The following IL13RA1 variants were observed in gnomAD, a reference collection of about 807,000 sequenced individuals.
IL13RA1 encodes the protein interleukin 13 receptor subunit alpha 1, also known as interleukin-13 receptor subunit alpha-1.
Under a neutral mutation model 33.8 loss-of-function variants are expected in IL13RA1, and 14 were observed. That is an observed-to-expected ratio of 0.41 (90% confidence interval 0.27 to 0.65). The LOEUF (loss-of-function observed/expected upper bound fraction) is 0.65. Among genes scored for constraint, IL13RA1 ranks in the 30% least tolerant of loss-of-function variants. IL13RA1 has a pLI of 0.28. For missense variants in IL13RA1, 313 were observed against 327.0 expected (o/e 0.96, Z 0.33); for synonymous variants, 116 against 115.7 (o/e 1.00, Z -0.02).
At chrX:118,795,773 C>T (rs1308304300), downstream of IL13RA1, among the ~76,000 whole-genome samples, 1 of 112,119 alleles carries the variant, frequency 8.9e-6, no homozygotes, top group Admixed American at 9.5e-5. Context: ...TCCATGAACT[C>T]TTGCTCTTTT....
chrX:118,732,971 G>A (rs896322177), intron 1 of IL13RA1, among the ~76,000 whole-genome samples: 8 of 112,110 alleles, frequency 7.1e-5, no homozygotes, highest in African/African-American at 2.6e-4. Flanking sequence ...TGTATCATAT[G>A]TCAGAATTTT....
At chrX:118,788,837 A>G (rs2017948581) in intron 10 of IL13RA1, among the ~76,000 whole-genome samples, 2 of 111,833 alleles carry the variant, frequency 1.8e-5, no homozygotes, top group Admixed American at 1.9e-4. Context: ...GGGGGAGGGT[A>G]TATGTATTTT....
intron 4 of IL13RA1, among the ~76,000 whole-genome samples, chrX:118,754,088 A>T (rs962910141): frequency 9.0e-6 from 1 of 111,417 alleles, no homozygotes; most frequent in African/African-American, 3.3e-5. Flanking sequence ...GCTGGTATAG[A>T]TTCTGTATCT....
chrX:118,735,035 G>A (rs913759609), intron 1 of IL13RA1, among the ~76,000 whole-genome samples: 2 of 110,758 alleles, frequency 1.8e-5, no homozygotes, highest in African/African-American at 6.6e-5. Context: ...CTGGAAATGT[G>A]TCCATTTCAT....
At chrX:118,759,532 C>G (rs181979316) in intron 5 of IL13RA1, among the ~76,000 whole-genome samples, 66 of 111,338 alleles carry the variant, frequency 5.9e-4, no homozygotes, top group African/African-American at 1.9e-3. Context: ...GTGGGGTAAG[C>G]TGAAGCAGAG....
At chrX:118,784,494 A>G (rs900684131) in intron 10 of IL13RA1, among the ~76,000 whole-genome samples, 1 of 111,417 alleles carries the variant, frequency 9.0e-6, no homozygotes, top group Non-Finnish European at 1.9e-5. Context: ...GATTGAAAAG[A>G]TATTTTTCCA....
intron 1 of IL13RA1, 94 bp downstream of exon 1, chrX:118,727,820 G>A: frequency 2.7e-6 from 1 of 368,850 alleles, no homozygotes; most frequent in Non-Finnish European, 4.0e-6. Flanking sequence ...GCCGGGCGGA[G>A]GGCCGAAGCT....
At chrX:118,803,110 C>T in the IL13RA1 span, among the ~76,000 whole-genome samples, 2 of 112,369 alleles carry the variant, frequency 1.8e-5, no homozygotes, top group Non-Finnish European at 3.8e-5. Flanking sequence ...CTTGTGGCCT[C>T]TGCCTCATAA....
chrX:118,800,037 A>G, the IL13RA1 span, among the ~76,000 whole-genome samples: 3 of 108,970 alleles, frequency 2.8e-5, no homozygotes, highest in African/African-American at 1.0e-4. Flanking sequence ...GAGTGCACCA[A>G]TTGACACTCT....
Position 118,741,148 on chromosome X carries a change from C to A in IL13RA1, c.220C>A (p.Gln74Lys). The part of the protein sequence containing the change: ...LWYFSHFGDK[Q>K]DKKIAPETRR... ...GTATTTTAGTCATTTTGGCGACAAACAAGATAAGGTAAGTTTTCTGCAACA... is the reference window on the plus strand; with the variant it reads ...GTATTTTAGTCATTTTGGCGACAAAAAAGATAAGGTAAGTTTTCTGCAACA... The change falls in exon 2 of 11, where the codon CAA becomes AAA. Residue 74 changes from glutamine to lysine, a missense_variant. Coordinates refer to ENST00000371666, the MANE Select transcript of IL13RA1 (RefSeq NM_001560.3). 1 of 1,155,275 alleles carries A rather than the reference C, an allele frequency of 8.7e-7. No individual in the cohort carries two copies. The highest frequency in any genetic ancestry group is 1.2e-6 in the Non-Finnish European group (1 of 845,014).
chrX:118,751,777 A>G (rs183020209), intron 4 of IL13RA1, among the ~76,000 whole-genome samples: 41 of 110,074 alleles, frequency 3.7e-4, no homozygotes, highest in Non-Finnish European at 6.3e-4. Context: ...GCCATGTCCA[A>G]GACTTGTGAA....
downstream of IL13RA1, among the ~76,000 whole-genome samples, chrX:118,795,219 A>C (rs111288933): frequency 1.1e-4 from 11 of 104,186 alleles, no homozygotes; most frequent in African/African-American, 3.6e-4. Context: ...CTCAAAAAAA[A>C]AAAAAAAAAA....
chrX:118,733,814 G>A (rs776373466), intron 1 of IL13RA1, among the ~76,000 whole-genome samples: 43 of 111,155 alleles, frequency 3.9e-4, no homozygotes, highest in African/African-American at 1.0e-3. Flanking sequence ...TTGGGTAAGC[G>A]TCCAATTTCA....
chrX:118,754,495 G>C (rs988384278), intron 4 of IL13RA1, among the ~76,000 whole-genome samples: 1 of 109,629 alleles, frequency 9.1e-6, no homozygotes, highest in African/African-American at 3.3e-5. Context: ...AAAATAGCCA[G>C]GCGTGGTGGC....
chrX:118,771,980 T>A (rs1361699691), intron 8 of IL13RA1, among the ~76,000 whole-genome samples: 1 of 111,812 alleles, frequency 8.9e-6, no homozygotes, highest in Non-Finnish European at 1.9e-5. Flanking sequence ...CTCAAAAAAA[T>A]TAAATTAAAA....
chrX:118,741,116 G>A lies in IL13RA1; in HGVS notation c.188G>A (p.Ser63Asn). 1 of 1,164,129 alleles carries A rather than the reference G, an allele frequency of 8.6e-7. No homozygotes were observed. Among genetic ancestry groups the A allele is most frequent in the African/African-American group, 1.8e-5 (1 of 56,926 alleles). ...NPPEGASSNC[S>N]LWYFSHFGDK... The stretch of plus-strand genomic sequence containing the variant: ...CCCGAGGGAGCCAGCTCAAATTGTA[G>A]TCTATGGTATTTTAGTCATTTTGGC... The change falls in exon 2 of 11, where the codon AGT becomes AAT. Residue 63 changes from serine (S) to asparagine (N), a missense_variant. By Grantham distance (46) the Ser-to-Asn change is conservative. Coordinates refer to ENST00000371666, the MANE Select transcript of IL13RA1 (RefSeq NM_001560.3).
rs757563958 is a variant in IL13RA1 at position 118,764,830 on chromosome X, T to C, written c.829-1700T>C. 8.9e-5 allele frequency among the ~76,000 whole-genome samples: 10 copies of C among 112,131 alleles called. 1 individual carries two copies. The South Asian group carries it at 3.7e-3, about 41-fold the overall frequency. On this transcript the variant is annotated intron_variant, in intron 6 of 10. Coordinates refer to ENST00000371666, the MANE Select transcript of IL13RA1 (RefSeq NM_001560.3). ...CAACCCAGTCAAGTTTTATATCTTA[T>C]ACTCTCAACAAGGGACACTGGTTTC...
chrX:118,799,193 C>T (rs1329116738), downstream of IL13RA1, among the ~76,000 whole-genome samples: 2 of 113,456 alleles, frequency 1.8e-5, no homozygotes, highest in South Asian at 3.5e-4. Context: ...TGCCTTCCCG[C>T]GGGGCAGGGC....
At chrX:118,774,972 CA>C (rs2017766131) in intron 9 of IL13RA1, among the ~76,000 whole-genome samples, 1 of 111,315 alleles carries the variant, frequency 9.0e-6, no homozygotes, top group Non-Finnish European at 1.9e-5. Context: ...GTGAACAGGA[CA>C]AAGTCCTCAT....
Sources: allele counts gnomAD v4.1 joint callset (sites outside exome capture counted in the v4.1 genomes callset), GRCh38; gene constraint gnomAD v4.1.1; transcripts MANE v1.5; gene names NCBI Gene and HGNC (gene_info 2026-07-23, HGNC 2026-07-21).